NRG1: variants seen among roughly 807,000 people sequenced by gnomAD.
NRG1 encodes the protein neuregulin 1.
A neutral mutation model predicts 63.8 loss-of-function variants in NRG1; 18 were observed. That is an observed-to-expected ratio of 0.28 (90% CI 0.19 to 0.42). NRG1 has a LOEUF of 0.42. Among genes scored for constraint, NRG1 ranks in the 10% least tolerant of loss-of-function variants. NRG1 has a pLI of 1.00. For missense variants in NRG1, 762 were observed against 814.7 expected, an observed-to-expected ratio of 0.94 and a Z score of 0.79; for synonymous variants, 302 against 301.3, an observed-to-expected ratio of 1.00 and a Z score of -0.02.
chr8:31,678,192 TG>T (rs1346348841), intron 1 of NRG1, among the ~76,000 whole-genome samples: 1 of 152,154 alleles, frequency 6.6e-6, no homozygotes, highest in East Asian at 1.9e-4. Flanking sequence ...AATAGTGTTT[TG>T]TTTTAGCCTG....
intron 1 of NRG1, among the ~76,000 whole-genome samples, chr8:32,213,467 A>G (rs1255194148): frequency 2.0e-5 from 3 of 152,062 alleles, no homozygotes; most frequent in Non-Finnish European, 4.4e-5. Flanking sequence ...GTCGGGGAGC[A>G]TGGGAGGGAG....
chr8:32,307,118 C>T (rs1856276488), intron 1 of NRG1, among the ~76,000 whole-genome samples: 1 of 152,116 alleles, frequency 6.6e-6, no homozygotes, highest in South Asian at 2.1e-4. Flanking sequence ...CATGTGTAGT[C>T]AACTTCCCCT....
chr8:32,225,886 C>A (rs1846265488), intron 1 of NRG1, among the ~76,000 whole-genome samples: 1 of 152,092 alleles, frequency 6.6e-6, no homozygotes, highest in Admixed American at 6.6e-5. Flanking sequence ...TAGTCAGTTT[C>A]CTACCTCCTA....
intron 1 of NRG1, among the ~76,000 whole-genome samples, chr8:32,252,789 A>G (rs1849266877): frequency 6.6e-6 from 1 of 152,128 alleles, no homozygotes; most frequent in Non-Finnish European, 1.5e-5. Flanking sequence ...TTTGGGCAGT[A>G]TGGCCATTTT....
At chr8:32,352,071 A>T (rs1361909852) in intron 1 of NRG1, among the ~76,000 whole-genome samples, 1 of 151,760 alleles carries the variant, frequency 6.6e-6, no homozygotes, top group African/African-American at 2.4e-5. Context: ...TAATTGTATA[A>T]ATCTGGTTGG....
intron 1 of NRG1, among the ~76,000 whole-genome samples, chr8:31,711,701 T>C (rs1375367940): frequency 6.6e-6 from 1 of 152,228 alleles, no homozygotes; most frequent in East Asian, 1.9e-4. Flanking sequence ...TATCATAATC[T>C]AAGTGGCTTA....
chr8:32,679,805 A>G (rs1336172961), intron 5 of NRG1, among the ~76,000 whole-genome samples: 1 of 152,224 alleles, frequency 6.6e-6, no homozygotes, highest in East Asian at 1.9e-4. Flanking sequence ...ATATTCTTGC[A>G]TGGAAACATA....
chr8:32,147,260 C>T (rs570254873), intron 1 of NRG1, among the ~76,000 whole-genome samples: 9 of 152,148 alleles, frequency 5.9e-5, no homozygotes, highest in Admixed American at 2.0e-4. Context: ...CTGGAATGTA[C>T]GCTAAGTAGA....
chr8:31,943,480 T>TA (rs1802071654), intron 1 of NRG1, among the ~76,000 whole-genome samples: 1 of 151,960 alleles, frequency 6.6e-6, no homozygotes, highest in African/African-American at 2.4e-5. Flanking sequence ...AAATCACTAC[T>TA]AAAAAACTTA....
intron 1 of NRG1, among the ~76,000 whole-genome samples, chr8:32,486,312 C>CA: frequency 6.6e-6 from 1 of 152,196 alleles, no homozygotes; most frequent in Admixed American, 6.5e-5. Context: ...ATTCAGATAG[C>CA]TAACAAATTC....
intron 1 of NRG1, among the ~76,000 whole-genome samples, chr8:31,671,732 A>G (rs1036664825): frequency 1.3e-5 from 2 of 152,150 alleles, no homozygotes; most frequent in African/African-American, 4.8e-5. Flanking sequence ...TTTTCGTGGG[A>G]CATAAGTAAG....
At chr8:32,635,115 T>C (rs1851081952) in intron 5 of NRG1, among the ~76,000 whole-genome samples, 1 of 152,208 alleles carries the variant, frequency 6.6e-6, no homozygotes, top group South Asian at 2.1e-4. Flanking sequence ...CTCTAAAAAT[T>C]CAAATCATGC....
chr8:32,455,208 A>G (rs570233428), intron 1 of NRG1, among the ~76,000 whole-genome samples: 1 of 152,308 alleles, frequency 6.6e-6, no homozygotes, highest in Admixed American at 6.5e-5. Context: ...CCCATATAGC[A>G]TCATTGGCCA....
rs182447742 is a variant in NRG1 at position 32,145,481 on chromosome 8, T to A, written c.38-450347T>A. Among the ~76,000 whole-genome samples the A allele has an allele frequency of 1.2e-3, 186 of 152,362 alleles. 2 individuals are homozygous for A. Among genetic ancestry groups the A allele is most frequent in the Middle Eastern group, 6.8e-3 (2 of 294 alleles). The stretch of plus-strand genomic sequence containing the variant: ...AGTCCAATACTCAGTCTAGAACATA[T>A]GCCCTTTTCTGTGATGCCTGCTGGC... On this transcript the variant is annotated intron_variant, in intron 1 of 10. Coordinates refer to the NRG1 transcript ENST00000519301.
At chr8:32,565,627 C>G (rs1563660665) in intron 1 of NRG1, among the ~76,000 whole-genome samples, 1 of 152,198 alleles carries the variant, frequency 6.6e-6, no homozygotes, top group Non-Finnish European at 1.5e-5. Context: ...TGTTTTCCCC[C>G]CTAAACCTAG....
intron 1 of NRG1, among the ~76,000 whole-genome samples, chr8:32,280,444 C>T (rs1563264557): frequency 6.6e-6 from 1 of 152,162 alleles, no homozygotes. Context: ...GATTTGAAAA[C>T]ATTATGCTAA....
At chr8:31,864,819 T>C (rs1038640834) in intron 1 of NRG1, among the ~76,000 whole-genome samples, 5 of 152,000 alleles carry the variant, frequency 3.3e-5, no homozygotes, top group African/African-American at 7.2e-5. Context: ...TGGTGGACAA[T>C]TGATGGACTG....
intron 1 of NRG1, among the ~76,000 whole-genome samples, chr8:32,297,142 T>C (rs976856052): frequency 6.6e-6 from 1 of 152,098 alleles, no homozygotes; most frequent in African/African-American, 2.4e-5. Context: ...TTTATAATTA[T>C]AGTGAGTATT....
At chr8:32,517,699 T>C (rs566055447) in intron 1 of NRG1, among the ~76,000 whole-genome samples, 1 of 152,320 alleles carries the variant, frequency 6.6e-6, no homozygotes, top group East Asian at 1.9e-4. Flanking sequence ...ATGTCCCATG[T>C]AGCCTCATAT....
Sources: allele counts gnomAD v4.1 joint callset (sites outside exome capture counted in the v4.1 genomes callset), GRCh38; gene constraint gnomAD v4.1.1; transcripts MANE v1.5; gene names NCBI Gene and HGNC (gene_info 2026-07-23, HGNC 2026-07-21).